SYT1: variants seen among roughly 807,000 people sequenced by gnomAD.
SYT1 encodes synaptotagmin 1.
SYT1 carries 8 observed loss-of-function variants against 44.8 expected under a neutral mutation model. That is an observed-to-expected ratio of 0.18 (90% CI 0.10 to 0.32). SYT1 has a LOEUF of 0.32. SYT1 is among the 10% of genes least tolerant of loss of function. SYT1 has a pLI of 1.00. For missense variants in SYT1, 286 were observed against 509.3 expected (o/e 0.56, Z 4.22); for synonymous variants, 154 against 188.8 (o/e 0.82, Z 1.51).
At chr12:78,985,047 C>T (rs73351429) in intron 2 of SYT1, among the ~76,000 whole-genome samples, 2,028 of 151,274 alleles carry the variant, frequency 0.013, 46 homozygotes, top group African/African-American at 0.044. Context: ...CATTGTATAC[C>T]GAGAACCAAA....
intron 1 of SYT1, among the ~76,000 whole-genome samples, chr12:78,905,958 C>T (rs143492828): frequency 6.6e-6 from 1 of 151,866 alleles, no homozygotes; most frequent in Admixed American, 6.6e-5. Context: ...TTCCCTTCAC[C>T]GAAGTAACAT....
chr12:79,276,692 A>C (rs1054577913), intron 4 of SYT1, among the ~76,000 whole-genome samples: 6 of 151,578 alleles, frequency 4.0e-5, no homozygotes, highest in Admixed American at 3.9e-4. Context: ...AAAACAAAAA[A>C]ACCAGAACTT....
At chr12:79,316,026 T>C (rs2138958354) in intron 8 of SYT1, among the ~76,000 whole-genome samples, 1 of 152,344 alleles carries the variant, frequency 6.6e-6, no homozygotes, top group South Asian at 2.1e-4. Flanking sequence ...ACTTTTTAAA[T>C]TGAAATAAAA....
At chr12:79,232,408 C>T (rs536964756) in intron 4 of SYT1, among the ~76,000 whole-genome samples, 33 of 152,252 alleles carry the variant, frequency 2.2e-4, no homozygotes, top group African/African-American at 7.7e-4. Context: ...TTCAACTGTT[C>T]GCCCTCACAC....
At chr12:79,129,432 G>T (rs1420465216) in intron 3 of SYT1, among the ~76,000 whole-genome samples, 2 of 152,072 alleles carry the variant, frequency 1.3e-5, no homozygotes, top group Non-Finnish European at 2.9e-5. Flanking sequence ...TTCCCTCATG[G>T]GTCTATGAAA....
intron 3 of SYT1, among the ~76,000 whole-genome samples, chr12:79,133,964 A>C (rs915734423): frequency 2.6e-5 from 4 of 152,204 alleles, no homozygotes; most frequent in Non-Finnish European, 5.9e-5. Context: ...TGCAGGCTTC[A>C]TATATCAGAT....
intron 1 of SYT1, among the ~76,000 whole-genome samples, chr12:78,884,689 T>G (rs574292557): frequency 6.3e-4 from 95 of 151,412 alleles, no homozygotes; most frequent in Non-Finnish European, 1.1e-3. Flanking sequence ...ATATTTAATA[T>G]ATCTTTGGTT....
Position 79,121,392 on chromosome 12 carries a change from C to T in SYT1, c.-18+74030C>T, listed in dbSNP as rs375096716. 7.2e-5 allele frequency among the ~76,000 whole-genome samples: 11 copies of T among 152,288 alleles called. 1 individual carries two copies. The East Asian group carries it at 7.7e-4, about 11-fold the overall frequency. Reference sequence around the variant, plus strand: ...AAGTTTTCTTTGTCTGTCAGGTTTCCTCTAACATCTTATGAATAATCTTAA... The same window carrying T: ...AAGTTTTCTTTGTCTGTCAGGTTTCTTCTAACATCTTATGAATAATCTTAA... On this transcript the variant is annotated intron_variant, in intron 3 of 10. Coordinates refer to ENST00000261205, the MANE Select transcript of SYT1 (RefSeq NM_005639.3).
At chr12:78,969,717 A>C (rs967929038) in intron 1 of SYT1, among the ~76,000 whole-genome samples, 1 of 152,188 alleles carries the variant, frequency 6.6e-6, no homozygotes. Flanking sequence ...CCAGGAAATA[A>C]AGGGCATTAT....
intron 3 of SYT1, among the ~76,000 whole-genome samples, chr12:79,175,381 TTGTC>T (rs1871795580): frequency 6.6e-6 from 1 of 152,082 alleles, no homozygotes; most frequent in South Asian, 2.1e-4. Context: ...TAGTCTCAGT[TTGTC>T]TGTAAGGTCA....
chr12:79,032,525 T>A (rs1205406603), intron 2 of SYT1, among the ~76,000 whole-genome samples: 6 of 151,316 alleles, frequency 4.0e-5, no homozygotes, highest in Admixed American at 2.6e-4. Context: ...ATACTGTGAT[T>A]TGTATTCAGC....
In SYT1 at chr12:79,090,791, G is replaced by A. The variant is rs1431411877; in HGVS notation, c.-18+43429G>A. On this transcript the variant is annotated intron_variant, in intron 3 of 10. Transcript: ENST00000261205. ...GAGGCTGTGGTGACAGGTTATGGAA[G>A]GGTAAGGGGAAGAATGCACTGTGAA... Among the ~76,000 whole-genome samples, 4 of 151,980 alleles carry A rather than the reference G, an allele frequency of 2.6e-5. No individual in the cohort carries two copies. The East Asian group carries it at 7.7e-4, about 29-fold the overall frequency.
At chr12:79,000,284 GCTT>G (rs1402787122) in intron 2 of SYT1, among the ~76,000 whole-genome samples, 3 of 142,710 alleles carry the variant, frequency 2.1e-5, no homozygotes, top group Non-Finnish European at 4.5e-5. Context: ...TGCCTTAACT[GCTT>G]CTTTTTTTTT....
At chr12:79,012,783 C>T (rs757631831) in intron 2 of SYT1, among the ~76,000 whole-genome samples, 11 of 152,138 alleles carry the variant, frequency 7.2e-5, no homozygotes, top group African/African-American at 2.7e-4. Flanking sequence ...TGCCTCTTTC[C>T]GGACTGCCAC....
chr12:79,368,226 C>T (rs1001566445), intron 9 of SYT1, among the ~76,000 whole-genome samples: 6 of 152,072 alleles, frequency 3.9e-5, no homozygotes, highest in African/African-American at 9.7e-5. Context: ...AGGACATGAA[C>T]TCATCATTTT....
chr12:78,945,868 C>T (rs539032407), intron 1 of SYT1, among the ~76,000 whole-genome samples: 1 of 152,254 alleles, frequency 6.6e-6, no homozygotes, highest in South Asian at 2.1e-4. Context: ...GGCAGCCCTT[C>T]TTGGTTTTAC....
chr12:79,047,584 A>G lies in SYT1; in HGVS notation c.-18+222A>G, dbSNP rs111652410. The stretch of plus-strand genomic sequence containing the variant: ...ACTCGTTGTGATACATTTATGGGGC[A>G]GAAAACGTTTATGATGACTCCATCA... On this transcript the variant is annotated intron_variant, in intron 3 of 10. Coordinates refer to ENST00000261205, the MANE Select transcript of SYT1 (RefSeq NM_005639.3). Among the ~76,000 whole-genome samples the G allele has an allele frequency of 2.0e-5, 3 of 151,898 alleles. No individual in the cohort carries two copies. The East Asian group carries it at 5.8e-4, about 29-fold the overall frequency.
At chr12:79,296,673 C>A (rs541545260) in intron 7 of SYT1, among the ~76,000 whole-genome samples, 1 of 152,230 alleles carries the variant, frequency 6.6e-6, no homozygotes, top group Admixed American at 6.5e-5. Context: ...GTGTAGAGGG[C>A]AATTTGAGCA....
chr12:79,132,556 A>G (rs533955713), intron 3 of SYT1, among the ~76,000 whole-genome samples: 3 of 151,650 alleles, frequency 2.0e-5, no homozygotes, highest in South Asian at 2.1e-4. Context: ...TAACCCGGTT[A>G]GGATGTCTGT....
Sources: allele counts gnomAD v4.1 joint callset (sites outside exome capture counted in the v4.1 genomes callset), GRCh38; gene constraint gnomAD v4.1.1; transcripts MANE v1.5; gene names NCBI Gene and HGNC (gene_info 2026-07-23, HGNC 2026-07-21).